RASGRP2: variants seen among roughly 807,000 people sequenced by gnomAD.
RASGRP2 encodes the protein RAS guanyl-releasing protein 2.
Under a neutral mutation model 71.0 loss-of-function variants are expected in RASGRP2, and 44 were observed. The observed-to-expected ratio is 0.62, with a 90% CI of 0.49 to 0.80. The LOEUF is 0.80. Among genes scored for constraint, RASGRP2 ranks in the 30% least tolerant of loss-of-function variants. The probability of loss-of-function intolerance (pLI) is 0.00; values close to 1 mark genes in which losing one functional copy is unlikely to be tolerated. For synonymous variants in RASGRP2, 350 were observed against 330.7 expected (o/e 1.06, Z -0.63); for missense variants, 663 against 813.4 (o/e 0.82, Z 2.25).
At chr11:64,740,466 C>G (rs1404376108) in intron 5 of RASGRP2, 4 of 638,228 alleles carry the variant, frequency 6.3e-6, no homozygotes, top group South Asian at 6.1e-5. Context: ...GAGACAGACA[C>G]AGAAACACAT....
At chr11:64,729,932 A>G (rs971144085) in intron 13 of RASGRP2, 121 bp downstream of exon 13, 1 of 1,546,268 alleles carries the variant, frequency 6.5e-7, no homozygotes, top group Non-Finnish European at 8.8e-7. Flanking sequence ...GGAGAGGCAA[A>G]TAGAATTACC....
At chr11:64,738,191 A>G (rs2058009482) in intron 8 of RASGRP2, among the ~76,000 whole-genome samples, 1 of 152,234 alleles carries the variant, frequency 6.6e-6, no homozygotes, top group African/African-American at 2.4e-5. Flanking sequence ...AAAATAACAC[A>G]AACAACATTC....
At position 64,739,292 on chromosome 11, in the gene RASGRP2, C is replaced by G; in HGVS notation, c.813+68G>C. On this transcript the variant is annotated intron_variant, in intron 8 of 16. Coordinates refer to ENST00000394432, the MANE Select transcript of RASGRP2 (RefSeq NM_001098671.2). The surrounding 1 kb of genome is among the most constrained non-coding windows in gnomAD (Gnocchi z 4.2). Reference sequence around the variant, plus strand: ...AATGAGGACAGCTGTGCCCAGCCCCCAGTGCTGCTGGGAGGACCCAGTGAA... The same window carrying G: ...AATGAGGACAGCTGTGCCCAGCCCCGAGTGCTGCTGGGAGGACCCAGTGAA... 8.4e-7 allele frequency: 1 copy of G among 1,186,306 alleles called. No homozygotes were observed. The highest frequency in any genetic ancestry group is 1.3e-6 in the Non-Finnish European group (1 of 790,872). 73.5% of individuals were successfully genotyped at this position (1,186,306 alleles called of 1,614,324 possible).
In RASGRP2 at chr11:64,729,036, C is replaced by T. The variant is rs1402241984; in HGVS notation, c.1598G>A (p.Gly533Glu). ...CTTGCACTGCTTGTGGCAGTTCACT[C>T]CACAGGCTGGGGGAGAGCAAATGGA... is the stretch of plus-strand genomic sequence containing the variant. ...YKQGLKCRAC[G>E]VNCHKQCKDR... The change falls in exon 15 of 17, where the codon GGA becomes GAA. Residue 533 changes from glycine to glutamate, a missense_variant. Physicochemically the swap from Gly to Glu is moderately conservative, Grantham distance 98 (BLOSUM62 -2). Transcript: ENST00000394432. 1.9e-6 allele frequency: 3 copies of T among 1,595,940 alleles called. No individual in the cohort carries two copies. Among genetic ancestry groups the T allele is most frequent in the Non-Finnish European group, 2.5e-6 (3 of 1,176,512 alleles).
chr11:64,742,228 A>ACCT lies in RASGRP2; in HGVS notation c.74-119_74-117dup. The ACCT allele has an allele frequency of 1.3e-6, 1 of 794,286 alleles. No homozygotes were observed. Among genetic ancestry groups the ACCT allele is most frequent in the Non-Finnish European group, 2.2e-6 (1 of 459,278 alleles). 49.2% of individuals were successfully genotyped at this position (794,286 alleles called of 1,614,324 possible). On this transcript the variant is annotated intron_variant, in intron 2 of 16. Transcript: ENST00000394432. This position sits in a 1 kb window ranked among gnomAD's most constrained non-coding sequence, Gnocchi z 4.7. The stretch of plus-strand genomic sequence containing the variant: ...TTCGGGTGCACGCTCGACCCCGCCC[A>ACCT]CCTCCTGCTTGCCCAGGACTCCGAG...
chr11:64,741,506 A>G lies in RASGRP2; in HGVS notation c.177-5T>C. The G allele has an allele frequency of 6.3e-7, 1 of 1,576,574 alleles. No individual in the cohort carries two copies. Among genetic ancestry groups the G allele is most frequent in the Non-Finnish European group, 8.6e-7 (1 of 1,158,914 alleles). On this transcript the variant is annotated splice_polypyrimidine_tract_variant and splice_region_variant and intron_variant, in intron 3 of 16. Coordinates refer to ENST00000394432, the MANE Select transcript of RASGRP2 (RefSeq NM_001098671.2). Reference sequence around the variant, plus strand: ...TCCTTCCGGGATTGTTGGTAGGTGAAGGAGAGGGTTAAGGAGGCCGCTTAA... The same window carrying G: ...TCCTTCCGGGATTGTTGGTAGGTGAGGGAGAGGGTTAAGGAGGCCGCTTAA...
rs1024795913 is a variant in RASGRP2, at chr11:64,729,816, C to T, written c.1555-18G>A. 14 of 1,613,848 alleles carry T rather than the reference C, an allele frequency of 8.7e-6. No homozygotes were observed. Among genetic ancestry groups the T allele is most frequent in the Non-Finnish European group, 1.2e-5 (14 of 1,179,852 alleles). On this transcript the variant is annotated intron_variant, in intron 13 of 16. Transcript: ENST00000394432. ...CCCAGGATCTGCAATAGAGGAGGGGCCGTGGTGGGAGGAGGGATTTAGAGG... is the reference window on the plus strand; with the variant it reads ...CCCAGGATCTGCAATAGAGGAGGGGTCGTGGTGGGAGGAGGGATTTAGAGG...
At chr11:64,736,212 G>C (rs1319199118) in intron 9 of RASGRP2, among the ~76,000 whole-genome samples, 1 of 152,120 alleles carries the variant, frequency 6.6e-6, no homozygotes, top group African/African-American at 2.4e-5. Context: ...AAGATGTCAG[G>C]GAAGAAGCCA....
rs2058233012 is a variant in RASGRP2, at chr11:64,744,125, GCA to G, written c.-196_-195del. 1.0e-6 allele frequency: 1 copy of G among 987,316 alleles called. No homozygotes were observed. The highest frequency in any genetic ancestry group is 6.1e-5 in the Admixed American group (1 of 16,300). 61.2% of individuals were successfully genotyped at this position (987,316 alleles called of 1,614,324 possible). A position where few individuals can be genotyped will look rare whatever the true frequency, so the allele number is the denominator to read the frequency against. ...CAGGCGCTGACATCCTCACACGTGT[GCA>G]CACACGCAAGGCAGTGCCTCTCCAC... On this transcript the variant is annotated 5_prime_UTR_variant, in exon 1 of 17. Transcript: ENST00000394432.
Position 64,730,048 on chromosome 11 carries a change from C to T in RASGRP2, c.1554+5G>A. 1.3e-6 allele frequency: 2 copies of T among 1,550,880 alleles called. No individual in the cohort carries two copies. Among genetic ancestry groups the T allele is most frequent in the Non-Finnish European group, 1.7e-6 (2 of 1,147,770 alleles). On this transcript the variant is annotated splice_donor_5th_base_variant and intron_variant, in intron 13 of 16. Transcript: ENST00000394432. ...TGGGCCGTGAGCCGGGAAAGGGACT[C>T]TCACCAGGGCTTTGCAGTGGCGGCA...
In RASGRP2 at chr11:64,739,362, TG is replaced by T. The variant is rs2058046535; in HGVS notation, c.810del (p.Lys271SerfsTer9). ...ETHSHVSPET[I>X]KLWEGLTELV... Reference sequence around the variant, plus strand: ...GGCCCCTCCCCAGTCCCAGGCACCTTGATGGTCTCAGGGCTAACGTGGCTGT... The same window carrying T: ...GGCCCCTCCCCAGTCCCAGGCACCTTATGGTCTCAGGGCTAACGTGGCTGT... On this transcript the variant is annotated frameshift_variant, in exon 8 of 17. Transcript: ENST00000394432. LOFTEE classifies it high-confidence loss of function. This position sits in a 1 kb window ranked among gnomAD's most constrained non-coding sequence, Gnocchi z 4.2. The T allele has an allele frequency of 6.2e-7, 1 of 1,613,690 alleles. No homozygotes were observed. Among genetic ancestry groups the T allele is most frequent in the Non-Finnish European group, 8.5e-7 (1 of 1,179,774 alleles).
intron 13 of RASGRP2, 79 bp from the exon 14 acceptor site, chr11:64,729,877 TAGGG>T: frequency 6.3e-7 from 1 of 1,589,722 alleles, no homozygotes; most frequent in South Asian, 1.1e-5. Flanking sequence ...AGGGTGAGAC[TAGGG>T]CTTTAGAGCC....
rs749149243 is a variant in RASGRP2, at chr11:64,739,518, T to A, written c.697-42A>T. 1 of 1,610,084 alleles carries A rather than the reference T, an allele frequency of 6.2e-7. No individual in the cohort carries two copies. The highest frequency in any genetic ancestry group is 2.2e-5 in the East Asian group (1 of 44,868). On this transcript the variant is annotated intron_variant, in intron 7 of 16. Transcript: ENST00000394432. This position sits in a 1 kb window ranked among gnomAD's most constrained non-coding sequence, Gnocchi z 4.2. ...GACGGAGAGGCAGGGAGTCACTGAG[T>A]GGGCCCAGAATTTGGCCCAGCTTAT...
Position 64,741,475 on chromosome 11 carries a change from G to C in RASGRP2, c.203C>G (p.Ser68Cys), listed in dbSNP as rs973463306. 7 of 1,581,150 alleles carry C rather than the reference G, an allele frequency of 4.4e-6. No homozygotes were observed. The African/African-American group carries it at 8.1e-5, about 18-fold the overall frequency. The change falls in exon 4 of 17, where the codon TCC becomes TGC. Residue 68 changes from serine (S) to cysteine (C), a missense_variant. By Grantham distance (112) the Ser-to-Cys change is moderately radical. Transcript: ENST00000394432. Reference sequence around the variant, plus strand: ...GCACGTTTTCACCTGCAGGGAATTGGAGTTGTCCTTCCGGGATTGTTGGTA... The same window carrying C: ...GCACGTTTTCACCTGCAGGGAATTGCAGTTGTCCTTCCGGGATTGTTGGTA... ...HIYQQSRKDN[S>C]NSLQVKTCHL...
intron 15 of RASGRP2, 95 bp from the exon 16 acceptor site, chr11:64,727,455 G>C: frequency 9.3e-7 from 1 of 1,078,878 alleles, no homozygotes; most frequent in East Asian, 2.6e-5. Flanking sequence ...CATCATCCCA[G>C]AAGCAGACCC....
Position 64,736,845 on chromosome 11 carries a change from T to G in RASGRP2, c.1003A>C (p.Lys335Gln). 1 of 1,613,426 alleles carries G rather than the reference T, an allele frequency of 6.2e-7. No individual in the cohort carries two copies. The highest frequency in any genetic ancestry group is 8.5e-7 in the Non-Finnish European group (1 of 1,179,990). ...ARTRLNGAKM[K>Q]QLFSILEELA... is the part of the protein sequence containing the mutation. ...TCCTCCAGGATGCTAAAGAGCTGCT[T>G]CATCTTGGCCCCGTTGAGCCGGGTC... The change falls in exon 9 of 17, where the codon AAG (lysine) becomes CAG (glutamine). Residue 335 changes from lysine to glutamine, a missense_variant. Transcript: ENST00000394432.
In RASGRP2 at chr11:64,728,635, G is replaced by A. The variant is rs187373894; in HGVS notation, c.1771+228C>T. 2.1e-3 allele frequency among the ~76,000 whole-genome samples: 316 copies of A among 151,716 alleles called. 1 individual carries two copies. The highest frequency in any genetic ancestry group is 3.7e-3 in the Non-Finnish European group (249 of 67,886). On this transcript the variant is annotated intron_variant, in intron 15 of 16. Coordinates refer to ENST00000394432, the MANE Select transcript of RASGRP2 (RefSeq NM_001098671.2). ...TTTTTAGTAAAGATGGGGTTTCACC[G>A]TGTTAGCCAGGATGGTCTCGATCTC... is the stretch of plus-strand genomic sequence containing the variant.
intron 15 of RASGRP2, among the ~76,000 whole-genome samples, chr11:64,728,043 A>G (rs978970252): frequency 8.5e-5 from 13 of 152,330 alleles, no homozygotes; most frequent in African/African-American, 3.1e-4. Flanking sequence ...CAACCCAAAC[A>G]GTTGTGATCA....
chr11:64,728,513 C>T (rs572045146), intron 15 of RASGRP2, among the ~76,000 whole-genome samples: 6 of 152,144 alleles, frequency 3.9e-5, no homozygotes, highest in East Asian at 3.9e-4. Context: ...CTGCAAGCCC[C>T]GCCTCCCGGG....
Sources: allele counts gnomAD v4.1 joint callset (sites outside exome capture counted in the v4.1 genomes callset), GRCh38; gene constraint gnomAD v4.1.1; non-coding constraint Gnocchi (gnomAD v3.1); transcripts MANE v1.5; gene names NCBI Gene and HGNC (gene_info 2026-07-23, HGNC 2026-07-21).